IL1RAPL1: variants seen among roughly 807,000 people sequenced by gnomAD.
IL1RAPL1 encodes interleukin-1 receptor accessory protein-like 1.
In IL1RAPL1, 3 loss-of-function variants were observed where a neutral mutation model predicts 48.4. The observed-to-expected ratio is 0.06, with a 90% confidence interval of 0.03 to 0.16. The LOEUF is 0.16. Among genes scored for constraint, IL1RAPL1 ranks in the 10% least tolerant of loss-of-function variants. The pLI is 1.00. For missense variants in IL1RAPL1, 349 were observed against 530.6 expected, an observed-to-expected ratio of 0.66 and a Z score of 3.36; for synonymous variants, 185 against 187.7, an observed-to-expected ratio of 0.99 and a Z score of 0.12.
At chrX:29,693,399 CATT>C (rs1369706232) in intron 6 of IL1RAPL1, among the ~76,000 whole-genome samples, 3 of 111,972 alleles carry the variant, frequency 2.7e-5, no homozygotes, top group Non-Finnish European at 5.6e-5. Flanking sequence ...TTTTCTTTGT[CATT>C]ATGGGTTTGT....
At chrX:29,706,314 T>C (rs1381618484) in intron 6 of IL1RAPL1, among the ~76,000 whole-genome samples, 1 of 111,833 alleles carries the variant, frequency 8.9e-6, no homozygotes, top group Non-Finnish European at 1.9e-5. Flanking sequence ...AAAGCAATCA[T>C]GCCTTCCTAA....
intron 3 of IL1RAPL1, among the ~76,000 whole-genome samples, chrX:29,342,112 TTGTGTGTGTG>T (rs753779178): frequency 2.2e-4 from 19 of 87,681 alleles, no homozygotes; most frequent in African/African-American, 4.7e-4. Flanking sequence ...CGGCCTTGTT[TTGTGTGTGTG>T]TGTGTGTGTG....
chrX:29,307,734 G>A (rs1218352448), intron 3 of IL1RAPL1, among the ~76,000 whole-genome samples: 1 of 111,874 alleles, frequency 8.9e-6, no homozygotes, highest in Admixed American at 9.5e-5. Flanking sequence ...AATGTAAGAT[G>A]CCAAATATAG....
chrX:29,395,741 G>A (rs773322522), intron 3 of IL1RAPL1, among the ~76,000 whole-genome samples: 1 of 111,820 alleles, frequency 8.9e-6, no homozygotes, highest in East Asian at 2.8e-4. Context: ...GTAACTACTC[G>A]TCTTAGCAAG....
intron 2 of IL1RAPL1, among the ~76,000 whole-genome samples, chrX:28,887,561 T>C: frequency 8.9e-6 from 1 of 111,834 alleles, no homozygotes; most frequent in South Asian, 3.7e-4. Flanking sequence ...CTTCCAGATA[T>C]ACTTACCATT....
intron 3 of IL1RAPL1, among the ~76,000 whole-genome samples, chrX:29,333,798 A>G (rs1383222480): frequency 2.6e-3 from 8 of 3,024 alleles, no homozygotes; most frequent in Admixed American, 4.7e-3. Context: ...CGGCTGGCCG[A>G]CCCCCCCCCC....
chrX:29,162,184 A>G (rs752064729), intron 2 of IL1RAPL1, among the ~76,000 whole-genome samples: 2 of 110,616 alleles, frequency 1.8e-5, no homozygotes, highest in South Asian at 3.8e-4. Context: ...AGGGAGGGGA[A>G]CATCACACAC....
chrX:29,242,332 G>A (rs1015466251), intron 2 of IL1RAPL1, among the ~76,000 whole-genome samples: 1 of 111,904 alleles, frequency 8.9e-6, no homozygotes, highest in Non-Finnish European at 1.9e-5. Context: ...TTTACAGGAG[G>A]GGCGCCCATG....
chrX:29,288,384 C>T (rs769612016), intron 3 of IL1RAPL1, among the ~76,000 whole-genome samples: 1 of 111,297 alleles, frequency 9.0e-6, no homozygotes, highest in Non-Finnish European at 1.9e-5. Flanking sequence ...TCGTTCAGTT[C>T]CTACTTATAA....
At chrX:29,557,910 T>A (rs1390822698) in intron 5 of IL1RAPL1, among the ~76,000 whole-genome samples, 1 of 111,284 alleles carries the variant, frequency 9.0e-6, no homozygotes, top group Non-Finnish European at 1.9e-5. Context: ...TGTGTGTATA[T>A]ATATCATTTT....
At chrX:29,368,590 C>CTTTTTTTTTTTTTTTTT (rs894805840) in intron 3 of IL1RAPL1, among the ~76,000 whole-genome samples, 1 of 87,678 alleles carries the variant, frequency 1.1e-5, no homozygotes, top group African/African-American at 4.4e-5. Flanking sequence ...CTTTTTCTTT[C>CTTTTTTTTTTTTTTTTT]TTTTTTTTTT....
At chrX:29,299,256 A>G (rs1932497016) in intron 3 of IL1RAPL1, among the ~76,000 whole-genome samples, 1 of 110,924 alleles carries the variant, frequency 9.0e-6, no homozygotes. Flanking sequence ...ATACTTAATA[A>G]ATTCCCATAT....
At chrX:29,006,643 A>ATGTG (rs1228333162) in intron 2 of IL1RAPL1, among the ~76,000 whole-genome samples, 6 of 85,646 alleles carry the variant, frequency 7.0e-5, no homozygotes, top group Middle Eastern at 0.011. Context: ...GTGTGTTTAT[A>ATGTG]TATATGTGTG....
At chrX:29,319,364 ATTTTTTT>A (rs762918998) in intron 3 of IL1RAPL1, among the ~76,000 whole-genome samples, 1 of 58,137 alleles carries the variant, frequency 1.7e-5, no homozygotes, top group Non-Finnish European at 3.1e-5. Flanking sequence ...GATAAATTTA[ATTTTTTT>A]TTTTTTTTTT....
intron 2 of IL1RAPL1, among the ~76,000 whole-genome samples, chrX:29,088,961 C>G (rs962743737): frequency 9.0e-6 from 1 of 111,250 alleles, no homozygotes; most frequent in Admixed American, 9.6e-5. Flanking sequence ...CTTCAGTGTT[C>G]GCCAGTTGTC....
chrX:29,205,978 A>G (rs1930658487), intron 2 of IL1RAPL1, among the ~76,000 whole-genome samples: 2 of 109,640 alleles, frequency 1.8e-5, no homozygotes, highest in East Asian at 2.9e-4. Context: ...TGACCTCGTG[A>G]TCTACCCACC....
At chrX:29,116,497 A>G (rs1928680154) in intron 2 of IL1RAPL1, among the ~76,000 whole-genome samples, 1 of 111,974 alleles carries the variant, frequency 8.9e-6, no homozygotes, top group Non-Finnish European at 1.9e-5. Context: ...TGAAGAAAAC[A>G]AAAATAAGAA....
intron 2 of IL1RAPL1, among the ~76,000 whole-genome samples, chrX:29,117,172 T>C (rs982718254): frequency 9.0e-6 from 1 of 111,629 alleles, no homozygotes; most frequent in Non-Finnish European, 1.9e-5. Flanking sequence ...GATATGGAAA[T>C]GAATCCTGTG....
chrX:29,379,517 T>C (rs1003319956), intron 3 of IL1RAPL1, among the ~76,000 whole-genome samples: 1 of 111,830 alleles, frequency 8.9e-6, no homozygotes, highest in Non-Finnish European at 1.9e-5. Context: ...CTACCTACTC[T>C]CTGGGTAGAT....
Sources: gnomAD v4.1 joint callset for allele counts (sites outside exome capture counted in the v4.1 genomes callset) on GRCh38, gnomAD v4.1.1 for gene constraint, MANE v1.5 for transcripts, NCBI Gene and HGNC (gene_info 2026-07-23, HGNC 2026-07-21) for gene names.